RANBP2: variants seen among roughly 807,000 people sequenced by gnomAD.
RANBP2 encodes the protein E3 SUMO-protein ligase RanBP2.
RANBP2 carries 57 observed loss-of-function variants against 303.6 expected under a neutral mutation model. That is an observed-to-expected ratio of 0.19 (90% CI 0.15 to 0.23). RANBP2 has a LOEUF of 0.23. Ranked by LOEUF, RANBP2 falls within the 10% of genes least tolerant of loss-of-function variation. RANBP2 has a pLI of 1.00. For synonymous variants in RANBP2, 1,167 were observed against 1,301.5 expected (o/e 0.90, Z 2.23); for missense variants, 3,138 against 3,780.8 (o/e 0.83, Z 4.46).
the RANBP2 span, among the ~76,000 whole-genome samples, chr2:109,306,558 A>T: frequency 6.6e-6 from 1 of 152,206 alleles, no homozygotes; most frequent in Non-Finnish European, 1.5e-5. Context: ...CTCTGACCGT[A>T]CAGTGGCTGG....
chr2:108,950,680 C>T, the RANBP2 span, among the ~76,000 whole-genome samples: 1 of 152,264 alleles, frequency 6.6e-6, no homozygotes. Flanking sequence ...CTGCCCTCAG[C>T]CTTCTCCACA....
At chr2:108,884,197 C>G in the RANBP2 span, 1 of 152,512 alleles carries the variant, frequency 6.6e-6, no homozygotes, top group Admixed American at 6.5e-5. Context: ...GCCACTGCAC[C>G]TGCCCAATGA....
At chr2:108,761,426 A>G (rs1178952938) in intron 18 of RANBP2, among the ~76,000 whole-genome samples, 3 of 152,212 alleles carry the variant, frequency 2.0e-5, no homozygotes, top group African/African-American at 4.8e-5. Context: ...TGGTAAAACT[A>G]TCATAAAACA....
the RANBP2 span, among the ~76,000 whole-genome samples, chr2:109,304,126 C>T: frequency 6.6e-6 from 1 of 151,948 alleles, no homozygotes; most frequent in Non-Finnish European, 1.5e-5. Flanking sequence ...AAGATCTACT[C>T]TGCTAGCAGT....
chr2:109,629,578 T>A, the RANBP2 span, among the ~76,000 whole-genome samples: 1 of 151,676 alleles, frequency 6.6e-6, no homozygotes, highest in African/African-American at 2.4e-5. Flanking sequence ...TTTGGGAGGC[T>A]GAGGCAGGTG....
At chr2:109,040,718 T>G in the RANBP2 span, among the ~76,000 whole-genome samples, 1 of 152,312 alleles carries the variant, frequency 6.6e-6, no homozygotes, top group Admixed American at 6.5e-5. Context: ...GTCAAAACCT[T>G]TCCTATTATA....
At chr2:109,250,864 A>C in the RANBP2 span, among the ~76,000 whole-genome samples, 1 of 152,160 alleles carries the variant, frequency 6.6e-6, no homozygotes, top group Non-Finnish European at 1.5e-5. Context: ...TAGAACAAAA[A>C]ATCAAATCAC....
chr2:108,731,309 T>C lies in RANBP2; in HGVS notation c.253-13T>C, dbSNP rs762241601. 3.7e-6 allele frequency: 6 copies of C among 1,610,270 alleles called. No homozygotes were observed. The South Asian group carries it at 6.6e-5, about 18-fold the overall frequency. On this transcript the variant is annotated splice_polypyrimidine_tract_variant and intron_variant, in intron 3 of 28. Coordinates refer to ENST00000283195, the MANE Select transcript of RANBP2 (RefSeq NM_006267.5). ...ATTTATTTACTAATCTTTAATTTCT[T>C]TTCTGATATTAGCGTTCAGTGGAAT...
chr2:109,351,532 T>C, the RANBP2 span, among the ~76,000 whole-genome samples: 1 of 152,260 alleles, frequency 6.6e-6, no homozygotes, highest in Non-Finnish European at 1.5e-5. Context: ...ACCTCTTCTC[T>C]GTAACTTTCA....
chr2:108,794,818 C>T, the RANBP2 span: 35 of 970,184 alleles, frequency 3.6e-5, no homozygotes, highest in Non-Finnish European at 4.5e-5. Flanking sequence ...ATTTTAATTA[C>T]TTTAGATAAG....
the RANBP2 span, among the ~76,000 whole-genome samples, chr2:108,875,052 A>T: frequency 4.6e-5 from 7 of 152,060 alleles, no homozygotes; most frequent in South Asian, 1.5e-3. Context: ...GAACAAGAAG[A>T]CTGGGAATAG....
chr2:108,799,864 T>A, the RANBP2 span, among the ~76,000 whole-genome samples: 1 of 152,180 alleles, frequency 6.6e-6, no homozygotes, highest in South Asian at 2.1e-4. Flanking sequence ...TAAAGTTCAT[T>A]ATTTCTTTTT....
the RANBP2 span, among the ~76,000 whole-genome samples, chr2:109,365,259 T>A: frequency 6.6e-6 from 1 of 152,188 alleles, no homozygotes; most frequent in African/African-American, 2.4e-5. Context: ...TGAGGCACAA[T>A]TCACAAAGGT....
At chr2:109,399,756 A>T in the RANBP2 span, among the ~76,000 whole-genome samples, 2 of 152,234 alleles carry the variant, frequency 1.3e-5, no homozygotes, top group African/African-American at 4.8e-5. Flanking sequence ...TTTCCCCTTT[A>T]TGAATGCAGA....
chr2:108,844,103 C>T, the RANBP2 span, among the ~76,000 whole-genome samples: 13 of 152,000 alleles, frequency 8.6e-5, no homozygotes, highest in South Asian at 2.7e-3. Context: ...CTCAAGCGAT[C>T]TTCCATCTTG....
At chr2:109,125,175 C>T in the RANBP2 span, among the ~76,000 whole-genome samples, 1 of 152,088 alleles carries the variant, frequency 6.6e-6, no homozygotes, top group African/African-American at 2.4e-5. Flanking sequence ...TGCCAGCCAC[C>T]TGCCCCATAG....
chr2:108,789,161 T>C (rs1573895511), downstream of RANBP2, among the ~76,000 whole-genome samples: 1 of 152,240 alleles, frequency 6.6e-6, no homozygotes, highest in Non-Finnish European at 1.5e-5. Flanking sequence ...AATAAAAGCA[T>C]AGACCTAGCA....
At chr2:109,083,295 C>G in the RANBP2 span, among the ~76,000 whole-genome samples, 2 of 152,160 alleles carry the variant, frequency 1.3e-5, no homozygotes, top group Admixed American at 6.5e-5. Context: ...ACTCCTCATT[C>G]TCTCCACCCA....
At chr2:109,562,147 A>G in the RANBP2 span, among the ~76,000 whole-genome samples, 2 of 152,100 alleles carry the variant, frequency 1.3e-5, no homozygotes, top group Non-Finnish European at 2.9e-5. Flanking sequence ...CAGGAGGCAG[A>G]GGTTGCAGTG....
Sources: allele counts gnomAD v4.1 joint callset (sites outside exome capture counted in the v4.1 genomes callset), GRCh38; gene constraint gnomAD v4.1.1; transcripts MANE v1.5; gene names NCBI Gene and HGNC (gene_info 2026-07-23, HGNC 2026-07-21).